The following SNCAIP variants were observed in gnomAD, a reference collection of about 807,000 sequenced individuals.
SNCAIP encodes synuclein alpha interacting protein, also known as synphilin-1.
In SNCAIP, 43 loss-of-function variants were observed where a neutral mutation model predicts 86.7. The ratio of observed to expected loss-of-function variants is 0.50; its 90% confidence interval spans 0.39 to 0.64. The LOEUF (loss-of-function observed/expected upper bound fraction) is 0.64. Among genes scored for constraint, SNCAIP ranks in the 30% least tolerant of loss-of-function variants. SNCAIP has a pLI of 0.00. For synonymous variants in SNCAIP, 417 were observed against 427.2 expected (o/e 0.98, Z 0.29); for missense variants, 981 against 1,103.1 (o/e 0.89, Z 1.57).
intron 6 of SNCAIP, among the ~76,000 whole-genome samples, chr5:122,439,622 A>T (rs1335397952): frequency 6.6e-6 from 1 of 152,228 alleles, no homozygotes; most frequent in Non-Finnish European, 1.5e-5. Flanking sequence ...CCAGAAAAGT[A>T]TAAAAGTTCA....
intron 1 of SNCAIP, among the ~76,000 whole-genome samples, chr5:122,390,085 T>G (rs1174998426): frequency 2.6e-5 from 4 of 152,170 alleles, no homozygotes; most frequent in Non-Finnish European, 4.4e-5. Context: ...CACTCCTTAT[T>G]GTTCAGCAAG....
intron 7 of SNCAIP, 165 bp from the exon 8 acceptor site, chr5:122,444,398 G>A: frequency 2.8e-6 from 2 of 703,416 alleles, no homozygotes; most frequent in Non-Finnish European, 5.1e-6. Context: ...ATAGTAGTAG[G>A]ACTGGCTCTG....
At position 122,451,495 on chromosome 5, in the gene SNCAIP, C is replaced by G. The variant is rs779685403; in HGVS notation, c.2648C>G (p.Ala883Gly). 3.7e-6 allele frequency: 6 copies of G among 1,613,710 alleles called. No homozygotes were observed. The African/African-American group carries it at 8.0e-5, about 22-fold the overall frequency. Residue 883 changes from alanine to glycine, a missense_variant, in exon 10 of 11, where the codon GCA (alanine) becomes GGA (glycine). Coordinates refer to ENST00000261368, the MANE Select transcript of SNCAIP (RefSeq NM_005460.4). ...GNQNNNNNYQAANQLKTSTLP... is the reference protein window; with the variant it reads ...GNQNNNNNYQGANQLKTSTLP... Reference sequence around the variant, plus strand: ...CAAAACAATAATAATAACTACCAGGCAGCCAACCAGCTGAAAACCTCTACA... The same window carrying G: ...CAAAACAATAATAATAACTACCAGGGAGCCAACCAGCTGAAAACCTCTACA...
At chr5:122,399,728 A>T (rs1382877303) in intron 2 of SNCAIP, among the ~76,000 whole-genome samples, 1 of 152,186 alleles carries the variant, frequency 6.6e-6, no homozygotes, top group East Asian at 1.9e-4. Flanking sequence ...GAAAGCATTT[A>T]GGTAAATATA....
chr5:122,358,569 C>G (rs1380083920), intron 1 of SNCAIP, among the ~76,000 whole-genome samples: 1 of 152,036 alleles, frequency 6.6e-6, no homozygotes, highest in East Asian at 1.9e-4. Context: ...AAGCCCTTTT[C>G]CTTCCTCTGT....
At chr5:122,433,877 G>A (rs1778881681) in intron 6 of SNCAIP, among the ~76,000 whole-genome samples, 1 of 152,100 alleles carries the variant, frequency 6.6e-6, no homozygotes, top group Admixed American at 6.5e-5. Flanking sequence ...CATTTCCTAG[G>A]CTAGTGATAT....
chr5:122,459,811 A>T (rs1466401062), intron 10 of SNCAIP, among the ~76,000 whole-genome samples: 1 of 152,154 alleles, frequency 6.6e-6, no homozygotes, highest in Non-Finnish European at 1.5e-5. Flanking sequence ...TAAGAGTAAT[A>T]CTAGCATTAT....
At chr5:122,433,347 C>T (rs963690156) in intron 6 of SNCAIP, among the ~76,000 whole-genome samples, 1 of 152,106 alleles carries the variant, frequency 6.6e-6, no homozygotes, top group African/African-American at 2.4e-5. Flanking sequence ...AGTTACATGA[C>T]TTGCACATGG....
At chr5:122,440,974 G>A in intron 7 of SNCAIP, 1 of 531,850 alleles carries the variant, frequency 1.9e-6, no homozygotes, top group East Asian at 3.5e-5. Context: ...CCAGGGTGTT[G>A]AAAGGGACTT....
Position 122,357,617 on chromosome 5 carries a change from C to CT in SNCAIP, c.-46-33457dup, listed in dbSNP as rs1159553477. ...TCTCCCATTCCTCCTGACAAGCCTT[C>CT]TTTTTTTTTTTTTTTCTTTATTGTA... On this transcript the variant is annotated intron_variant, in intron 1 of 10. Transcript: ENST00000261368. 4.1e-3 allele frequency among the ~76,000 whole-genome samples: 571 copies of CT among 140,154 alleles called. 1 individual carries two copies. The highest frequency in any genetic ancestry group is 8.9e-3 in the African/African-American group (340 of 38,400). The allele number at this position is 140,154 out of a possible 152,430, so 91.9% of individuals were successfully genotyped here.
chr5:122,461,130 G>A (rs1275303016), intron 10 of SNCAIP, among the ~76,000 whole-genome samples: 2 of 152,164 alleles, frequency 1.3e-5, no homozygotes, highest in African/African-American at 2.4e-5. Context: ...GTTTGACTCA[G>A]TATAGGATTC....
chr5:122,395,708 T>G (rs144416031), intron 2 of SNCAIP, among the ~76,000 whole-genome samples: 87 of 152,208 alleles, frequency 5.7e-4, no homozygotes, highest in African/African-American at 2.0e-3. Context: ...CTCCATTCAA[T>G]CCCCTGATGC....
intron 1 of SNCAIP, among the ~76,000 whole-genome samples, chr5:122,327,143 G>A (rs1580796557): frequency 6.6e-6 from 1 of 151,946 alleles, no homozygotes. Context: ...TTTTTATTGA[G>A]AGGAACTAGT....
At chr5:122,432,678 T>G (rs1322642606) in intron 6 of SNCAIP, among the ~76,000 whole-genome samples, 2 of 152,118 alleles carry the variant, frequency 1.3e-5, no homozygotes, top group Non-Finnish European at 2.9e-5. Context: ...ACTAACCAGA[T>G]GGCTCTCAGT....
At chr5:122,364,187 A>G (rs1433829498) in intron 1 of SNCAIP, among the ~76,000 whole-genome samples, 11 of 152,256 alleles carry the variant, frequency 7.2e-5, no homozygotes, top group African/African-American at 2.6e-4. Context: ...TTAGGAAGTT[A>G]CCCTATATAG....
At chr5:122,390,101 T>C (rs1426718072) in intron 1 of SNCAIP, among the ~76,000 whole-genome samples, 1 of 152,164 alleles carries the variant, frequency 6.6e-6, no homozygotes, top group Non-Finnish European at 1.5e-5. Flanking sequence ...GCAAGGTACA[T>C]CTTGATTAGA....
chr5:122,400,767 G>A (rs937088690), intron 2 of SNCAIP, among the ~76,000 whole-genome samples: 5 of 152,190 alleles, frequency 3.3e-5, no homozygotes, highest in South Asian at 2.1e-4. Flanking sequence ...GCACAGGGAC[G>A]GTGAAGAAGC....
Position 122,378,016 on chromosome 5 carries a change from T to C in SNCAIP, c.-46-13073T>C, listed in dbSNP as rs1228242884. ...AATAAACATACGTGTGCATGTGTCT[T>C]TATAGCAGCATGATTTATAGTCCTT... On this transcript the variant is annotated intron_variant, in intron 1 of 10. Coordinates refer to ENST00000261368, the MANE Select transcript of SNCAIP (RefSeq NM_005460.4). Among the ~76,000 whole-genome samples, 4 of 150,468 alleles carry C rather than the reference T, an allele frequency of 2.7e-5. No homozygotes were observed. In the South Asian group the frequency reaches 8.6e-4, roughly 32 times the overall value.
intron 1 of SNCAIP, among the ~76,000 whole-genome samples, chr5:122,328,158 A>C (rs1432888128): frequency 2.6e-5 from 4 of 152,242 alleles, no homozygotes; most frequent in Non-Finnish European, 5.9e-5. Flanking sequence ...CATTGCAGTA[A>C]GAGAAAGCTT....
Sources: allele counts gnomAD v4.1 joint callset (sites outside exome capture counted in the v4.1 genomes callset), GRCh38; gene constraint gnomAD v4.1.1; transcripts MANE v1.5; gene names NCBI Gene and HGNC (gene_info 2026-07-23, HGNC 2026-07-21).